EFCAB8: variants seen among roughly 807,000 people sequenced by gnomAD.
EFCAB8 encodes the protein EF-hand calcium-binding domain-containing protein 8.
Under a neutral mutation model 116.3 loss-of-function variants are expected in EFCAB8, and 100 were observed. That is an observed-to-expected ratio of 0.86 (90% CI 0.73 to 1.02). The LOEUF (loss-of-function observed/expected upper bound fraction) is 1.02, where lower values mean the gene tolerates loss of function less well. Ranked by LOEUF, EFCAB8 falls within the 50% of genes least tolerant of loss-of-function variation. The pLI is 0.00. For synonymous variants in EFCAB8, 558 were observed against 567.9 expected (o/e 0.98, Z 0.25); for missense variants, 1,320 against 1,416.9 (o/e 0.93, Z 1.10).
intron 5 of EFCAB8, among the ~76,000 whole-genome samples, chr20:32,882,589 C>T (rs1985398252): frequency 6.6e-6 from 1 of 152,214 alleles, no homozygotes; most frequent in Non-Finnish European, 1.5e-5. Context: ...GGCATCATCT[C>T]AGGTCACTGC....
At position 32,961,373 on chromosome 20, in the gene EFCAB8, A is replaced by G. The variant is rs1247838837; in HGVS notation, c.3631A>G (p.Arg1211Gly). 5.5e-6 allele frequency: 8 copies of G among 1,463,226 alleles called. No individual in the cohort carries two copies. The highest frequency in any genetic ancestry group is 2.5e-5 in the East Asian group (1 of 40,224). 90.6% of individuals were successfully genotyped at this position (1,463,226 alleles called of 1,614,324 possible). The change falls in exon 27 of 27, where the codon AGG becomes GGG. Residue 1211 changes from arginine (R) to glycine (G), a missense_variant. By Grantham distance (125) the Arg-to-Gly change is moderately radical. Coordinates refer to ENST00000400522, the MANE Select transcript of EFCAB8 (RefSeq NM_001143967.2). ...GTTATCTGTCACTGCCTCAGCCTCC[A>G]GGCTGCTGGACTCCAGCTTGCCCAC... is the stretch of plus-strand genomic sequence containing the variant. ...SLLSVTASAS[R>G]LLDSSLPTFL...
chr20:32,919,392 GACCATAAGACATTCAT>G (rs1402914563), intron 19 of EFCAB8, among the ~76,000 whole-genome samples: 8 of 152,178 alleles, frequency 5.3e-5, no homozygotes, highest in African/African-American at 1.9e-4. Context: ...GTGTACACTT[GACCATAAGACATTCAT>G]ACCATCTTTG....
chr20:32,929,954 A>C (rs1038670677), intron 20 of EFCAB8, among the ~76,000 whole-genome samples: 1 of 152,226 alleles, frequency 6.6e-6, no homozygotes, highest in African/African-American at 2.4e-5. Flanking sequence ...GAATTTGTTT[A>C]AAATGCTTTC....
chr20:32,935,302 G>A (rs540088587), intron 22 of EFCAB8, among the ~76,000 whole-genome samples: 3 of 144,136 alleles, frequency 2.1e-5, no homozygotes, highest in Non-Finnish European at 4.5e-5. Context: ...CCGGGTTCAA[G>A]CAATTCTCCC....
chr20:32,882,126 A>G (rs1267927657), intron 5 of EFCAB8, among the ~76,000 whole-genome samples: 3 of 152,084 alleles, frequency 2.0e-5, no homozygotes, highest in Middle Eastern at 3.2e-3. Context: ...TGAACCCAGG[A>G]GGCAGAGGTT....
At chr20:32,891,326 G>A (rs754323964) in intron 7 of EFCAB8, among the ~76,000 whole-genome samples, 8 of 152,150 alleles carry the variant, frequency 5.3e-5, no homozygotes. Flanking sequence ...TGCTGGGCCC[G>A]TGTTTGTTGG....
intron 20 of EFCAB8, among the ~76,000 whole-genome samples, chr20:32,921,196 C>T (rs1262257858): frequency 3.6e-5 from 1 of 27,546 alleles, no homozygotes; most frequent in Non-Finnish European, 8.0e-5. Context: ...GATTATTTCT[C>T]TCTCCTTTTT....
chr20:32,901,217 T>C (rs527461854), intron 11 of EFCAB8, among the ~76,000 whole-genome samples: 1 of 152,338 alleles, frequency 6.6e-6, no homozygotes, highest in East Asian at 1.9e-4. Flanking sequence ...TATCACTTAG[T>C]GTATATTGGG....
In EFCAB8 at chr20:32,898,516, G is replaced by T; in HGVS notation, c.981G>T (p.Glu327Asp). 1 of 718,560 alleles carries T rather than the reference G, an allele frequency of 1.4e-6. No homozygotes were observed. Among genetic ancestry groups the T allele is most frequent in the Non-Finnish European group, 2.6e-6 (1 of 385,068 alleles). The allele number at this position is 718,560 out of a possible 1,614,324, so 44.5% of individuals were successfully genotyped here. Residue 327 changes from glutamate (E) to aspartate (D), a missense_variant, in exon 11 of 27, where the codon GAG becomes GAT. Physicochemically the swap from Glu to Asp is conservative, Grantham distance 45 (BLOSUM62 2). Transcript: ENST00000400522. Reference sequence around the variant, plus strand: ...AGGCTCTCCATCCCAACTGGTGTGAGCAGGTCAAGTTCATCCCCCAGATGA... The same window carrying T: ...AGGCTCTCCATCCCAACTGGTGTGATCAGGTCAAGTTCATCCCCCAGATGA... ...RLKALHPNWC[E>D]QVKFIPQMNV... is the part of the protein sequence containing the mutation.
Position 32,961,561 on chromosome 20 carries a change from G to A in EFCAB8, c.3819G>A (p.Lys1273=), listed in dbSNP as rs1162416588. 7.1e-7 allele frequency: 1 copy of A among 1,399,928 alleles called. No individual in the cohort carries two copies. Among genetic ancestry groups the A allele is most frequent in the Non-Finnish European group, 9.3e-7 (1 of 1,075,310 alleles). 86.7% of individuals were successfully genotyped at this position (1,399,928 alleles called of 1,614,324 possible). A position where few individuals can be genotyped will look rare whatever the true frequency, so the allele number is the denominator to read the frequency against. The change falls in exon 27 of 27, where the codon AAG becomes AAA. Residue 1273 remains lysine, a synonymous_variant. Coordinates refer to ENST00000400522, the MANE Select transcript of EFCAB8 (RefSeq NM_001143967.2). ...TCGAGCGGCCCCCAAGGCCTCTGAAGGCCACCTTCATGTCCTCTGTGAAGG... is the reference window on the plus strand; with the variant it reads ...TCGAGCGGCCCCCAAGGCCTCTGAAAGCCACCTTCATGTCCTCTGTGAAGG... The part of the protein sequence containing the change: ...SSFERPPRPL[K]ATFMSSVKGS...
intron 11 of EFCAB8, 60 bp from the exon 12 acceptor site, chr20:32,906,502 A>T (rs1600408185): frequency 2.8e-6 from 2 of 716,698 alleles, no homozygotes; most frequent in East Asian, 5.4e-5. Flanking sequence ...GCTCAGTCTC[A>T]GACGCTCTCT....
At chr20:32,931,661 G>A (rs1436546072) in intron 22 of EFCAB8, among the ~76,000 whole-genome samples, 4 of 152,194 alleles carry the variant, frequency 2.6e-5, no homozygotes, top group Non-Finnish European at 5.9e-5. Flanking sequence ...AGGAGGCTGA[G>A]GCAGGAGAAT....
At chr20:32,944,500 T>G (rs1215852564) in intron 23 of EFCAB8, among the ~76,000 whole-genome samples, 1 of 152,174 alleles carries the variant, frequency 6.6e-6, no homozygotes, top group East Asian at 1.9e-4. Flanking sequence ...GTGACTTATG[T>G]GCCACTATTA....
intron 19 of EFCAB8, among the ~76,000 whole-genome samples, chr20:32,919,566 C>T (rs117924512): frequency 0.019 from 2,931 of 152,096 alleles, 56 homozygotes; most frequent in East Asian, 0.054. Flanking sequence ...GCGTGGTCTT[C>T]GCTCAGTGCA....
intron 5 of EFCAB8, among the ~76,000 whole-genome samples, chr20:32,881,417 G>A (rs1187294559): frequency 1.3e-5 from 2 of 152,042 alleles, no homozygotes; most frequent in Admixed American, 6.6e-5. Context: ...GGCTGGTCTC[G>A]AACTCCTGAC....
At chr20:32,952,620 T>G (rs891725525) in intron 23 of EFCAB8, among the ~76,000 whole-genome samples, 3 of 152,238 alleles carry the variant, frequency 2.0e-5, no homozygotes, top group African/African-American at 7.2e-5. Flanking sequence ...ATTTGGTTGC[T>G]TGTCTTTGTA....
At position 32,959,895 on chromosome 20, in the gene EFCAB8, G is replaced by T; in HGVS notation, c.3207G>T (p.Lys1069Asn). 6.4e-7 allele frequency: 1 copy of T among 1,551,680 alleles called. No individual in the cohort carries two copies. The highest frequency in any genetic ancestry group is 8.7e-7 in the Non-Finnish European group (1 of 1,146,972). The change falls in exon 25 of 27, where the codon AAG becomes AAT. Residue 1069 changes from lysine (K) to asparagine (N), a missense_variant. Lys to Asn is a moderately conservative substitution (Grantham distance 94). Transcript: ENST00000400522. ...KEADTWAKLQ[K>N]MALMSPWAGE... ...CAGACACTTGGGCCAAGCTGCAGAA[G>T]ATGGCCCTGATGTCCCCGTGGGCCG...
chr20:32,951,331 T>C (rs1306160186), intron 23 of EFCAB8, among the ~76,000 whole-genome samples: 15 of 152,230 alleles, frequency 9.9e-5, no homozygotes, highest in Non-Finnish European at 1.5e-5. Context: ...GGAATATCAC[T>C]CAGCAATAAA....
At position 32,940,474 on chromosome 20, in the gene EFCAB8, A is replaced by C. The variant is rs1988372056; in HGVS notation, c.2791-3162A>C. The stretch of plus-strand genomic sequence containing the variant: ...CCTAAATGTAAGAGCCAAAATTATA[A>C]GACTTTTAGAAGAAAATAAATGGAA... On this transcript the variant is annotated intron_variant, in intron 22 of 26. Coordinates refer to ENST00000400522, the MANE Select transcript of EFCAB8 (RefSeq NM_001143967.2). Among the ~76,000 whole-genome samples, 2 of 149,858 alleles carry C rather than the reference A, an allele frequency of 1.3e-5. 1 individual carries two copies. The highest frequency in any genetic ancestry group is 5.0e-5 in the African/African-American group (2 of 40,314).
Sources: gnomAD v4.1 joint callset for allele counts (sites outside exome capture counted in the v4.1 genomes callset) on GRCh38, gnomAD v4.1.1 for gene constraint, MANE v1.5 for transcripts, NCBI Gene and HGNC (gene_info 2026-07-23, HGNC 2026-07-21) for gene names.